The following NCBP2 variants were observed in gnomAD, a reference collection of about 807,000 sequenced individuals.
NCBP2 encodes the protein nuclear cap binding protein subunit 2, also known as nuclear cap-binding protein subunit 2.
Under a neutral mutation model 21.5 loss-of-function variants are expected in NCBP2, and 8 were observed. The observed-to-expected ratio is 0.37, with a 90% CI of 0.22 to 0.67. The LOEUF (loss-of-function observed/expected upper bound fraction) is 0.67. NCBP2 is among the 30% of genes least tolerant of loss of function. The pLI, the probability that NCBP2 is intolerant of heterozygous loss-of-function variation, is 0.56. For missense variants in NCBP2, 127 were observed against 206.9 expected (o/e 0.61, Z 2.37); for synonymous variants, 92 against 75.8 (o/e 1.21, Z -1.11).
At position 196,935,914 on chromosome 3, in the gene NCBP2, A is replaced by T. The variant is rs537788550; in HGVS notation, c.*1097T>A. The stretch of plus-strand genomic sequence containing the variant: ...TGTGAAGGCTTGAGCCTCAGTAGGT[A>T]AAATTTGAGGAAAAAAATGAGAAAT... On this transcript the variant is annotated 3_prime_UTR_variant, in exon 4 of 4. Coordinates refer to ENST00000321256, the MANE Select transcript of NCBP2 (RefSeq NM_007362.5). The T allele has an allele frequency of 6.6e-6, 1 of 152,192 alleles. No homozygotes were observed. The highest frequency in any genetic ancestry group is 2.1e-4 in the South Asian group (1 of 4,826). 9.4% of individuals were successfully genotyped at this position (152,192 alleles called of 1,614,324 possible).
At position 196,942,496 on chromosome 3, in the gene NCBP2, C is replaced by A. The variant is rs774052722; in HGVS notation, c.8G>T (p.Gly3Val). Residue 3 changes from glycine (G) to valine (V), a missense_variant, in exon 1 of 4, where the codon GGT becomes GTT. Transcript: ENST00000321256. MS[G>V]GLLKALRSDS... ...GCTGCGCAGCGCCTTCAGGAGGCCA[C>A]CCGACATAGTGCAGAGAAGCGGACC... 5.0e-6 allele frequency: 8 copies of A among 1,613,160 alleles called. No homozygotes were observed.
At position 196,939,202 on chromosome 3, in the gene NCBP2, T is replaced by C. The variant is rs560934950; in HGVS notation, c.260+49A>G. On this transcript the variant is annotated intron_variant, in intron 2 of 3. Coordinates refer to ENST00000321256, the MANE Select transcript of NCBP2 (RefSeq NM_007362.5). ...CAGGGACGCTTATGAGCTACCACTC[T>C]CAGCTCTACCCTGGTTCAGCAGCTA... 1.2e-5 allele frequency: 19 copies of C among 1,545,820 alleles called. No individual in the cohort carries two copies. The South Asian group carries it at 1.9e-4, about 16-fold the overall frequency.
intron 1 of NCBP2, chr3:196,941,651 T>A: frequency 1.9e-6 from 1 of 534,812 alleles, no homozygotes; most frequent in East Asian, 3.2e-5. Flanking sequence ...AAACGTTTAC[T>A]AAATAATTGG....
chr3:196,939,571 C>T, intron 1 of NCBP2, 139 bp from the exon 2 acceptor site: 1 of 712,922 alleles, frequency 1.4e-6, no homozygotes, highest in East Asian at 2.7e-5. Flanking sequence ...AATCCCTTGC[C>T]CAAAAAGGGG....
At chr3:196,942,241 A>C in intron 1 of NCBP2, 185 bp downstream of exon 1, 1 of 1,466,374 alleles carries the variant, frequency 6.8e-7, no homozygotes, top group Non-Finnish European at 9.0e-7. Context: ...TTCCAGAGCA[A>C]GTGGCTTCAG....
Position 196,942,408 on chromosome 3 carries a change from C to A in NCBP2, c.78+18G>T. On this transcript the variant is annotated intron_variant, in intron 1 of 3. Coordinates refer to ENST00000321256, the MANE Select transcript of NCBP2 (RefSeq NM_007362.5). ...TCTTGCCCAGGGCCTTCCCGTCTCG[C>A]GGCCCGGCCTCCCTCACCCGGAAGT... is the stretch of plus-strand genomic sequence containing the variant. 1 of 1,609,938 alleles carries A rather than the reference C, an allele frequency of 6.2e-7. No homozygotes were observed. The highest frequency in any genetic ancestry group is 1.1e-5 in the South Asian group (1 of 90,312).
Position 196,937,599 on chromosome 3 carries a change from T to C in NCBP2, c.310A>G (p.Thr104Ala), listed in dbSNP as rs2108878723. Residue 104 changes from threonine to alanine, a missense_variant, in exon 3 of 4, where the codon ACG (threonine) becomes GCG (alanine). Thr to Ala is a moderately conservative substitution (Grantham distance 58). Coordinates refer to ENST00000321256, the MANE Select transcript of NCBP2 (RefSeq NM_007362.5). ...CGAATGATTCGGTCATCCAGACGCG[T>C]CCCATTTATGTACCGCATGGCGTTT... ...AENAMRYING[T>A]RLDDRIIRTD... 6.2e-7 allele frequency: 1 copy of C among 1,614,192 alleles called. No individual in the cohort carries two copies. The highest frequency in any genetic ancestry group is 8.5e-7 in the Non-Finnish European group (1 of 1,180,038).
chr3:196,937,341 G>A (rs1204497788), intron 3 of NCBP2, 169 bp downstream of exon 3: 1 of 1,032,778 alleles, frequency 9.7e-7, no homozygotes, highest in African/African-American at 1.6e-5. Context: ...CCATTTCACG[G>A]TTTAAAAAAA....
chr3:196,937,217 C>T, intron 3 of NCBP2, 135 bp from the exon 4 acceptor site: 1 of 884,294 alleles, frequency 1.1e-6, no homozygotes, highest in East Asian at 2.5e-5. Context: ...GACATATGCA[C>T]TTCAGCTCAC....
chr3:196,937,904 G>C, intron 2 of NCBP2: 1 of 473,252 alleles, frequency 2.1e-6, no homozygotes, highest in Non-Finnish European at 3.8e-6. Context: ...CATCATCTCT[G>C]TATTTTGGTT....
In NCBP2 at chr3:196,936,981, AGT is replaced by A; in HGVS notation, c.*28_*29del. On this transcript the variant is annotated 3_prime_UTR_variant, in exon 4 of 4. Coordinates refer to ENST00000321256, the MANE Select transcript of NCBP2 (RefSeq NM_007362.5). The stretch of plus-strand genomic sequence containing the variant: ...TTCAGCAAATTCAACAGGCCAAAGG[AGT>A]GTTTGTCACTGACAGAGCTCTCACC... 6.2e-7 allele frequency: 1 copy of A among 1,606,208 alleles called. No homozygotes were observed. The highest frequency in any genetic ancestry group is 2.2e-5 in the East Asian group (1 of 44,838).
Position 196,935,544 on chromosome 3 carries a change from A to T in NCBP2, c.*1467T>A, listed in dbSNP as rs1367807173. Reference sequence around the variant, plus strand: ...TTAAATTACAGTGTGAAGGAATTTTAAAAATGAACAGTGTATCCTCATTAA... The same window carrying T: ...TTAAATTACAGTGTGAAGGAATTTTTAAAATGAACAGTGTATCCTCATTAA... On this transcript the variant is annotated 3_prime_UTR_variant, in exon 4 of 4. Coordinates refer to ENST00000321256, the MANE Select transcript of NCBP2 (RefSeq NM_007362.5). 6.6e-6 allele frequency: 1 copy of T among 152,258 alleles called. No homozygotes were observed. Among genetic ancestry groups the T allele is most frequent in the Non-Finnish European group, 1.5e-5 (1 of 68,042 alleles). 9.4% of individuals were successfully genotyped at this position (152,258 alleles called of 1,614,324 possible).
intron 2 of NCBP2, chr3:196,938,367 G>A (rs2108879488): frequency 1.3e-5 from 2 of 152,090 alleles, no homozygotes; most frequent in South Asian, 4.1e-4. Context: ...AGACACTTAA[G>A]GAAAAATTTC....
chr3:196,938,255 T>C (rs1255052782), intron 2 of NCBP2: 1 of 152,244 alleles, frequency 6.6e-6, no homozygotes, highest in Non-Finnish European at 1.5e-5. Flanking sequence ...GGGAAACCTG[T>C]GTATCCCCGA....
chr3:196,942,140 A>C, intron 1 of NCBP2: 1 of 1,461,918 alleles, frequency 6.8e-7, no homozygotes, highest in Non-Finnish European at 9.0e-7. Flanking sequence ...GGGAGCCGCC[A>C]CCACCACCAC....
chr3:196,938,698 C>T (rs1298774374), intron 2 of NCBP2: 2 of 152,452 alleles, frequency 1.3e-5, no homozygotes, highest in Admixed American at 6.5e-5. Flanking sequence ...AGTCACAACT[C>T]AGTGCAGCCT....
intron 1 of NCBP2, chr3:196,940,964 T>C (rs1716521212): frequency 6.6e-6 from 1 of 152,226 alleles, no homozygotes; most frequent in African/African-American, 2.4e-5. Context: ...TGGTCCCAGC[T>C]TCTCAGGAGG....
intron 1 of NCBP2, chr3:196,941,651 T>C (rs1716575744): frequency 1.9e-6 from 1 of 534,694 alleles, no homozygotes; most frequent in Admixed American, 3.6e-5. Flanking sequence ...AAACGTTTAC[T>C]AAATAATTGG....
At chr3:196,941,806 C>A in intron 1 of NCBP2, 1 of 1,175,182 alleles carries the variant, frequency 8.5e-7, no homozygotes, top group Non-Finnish European at 1.2e-6. Flanking sequence ...TTTCCCTCTT[C>A]TGAAATCCAG....
Sources: gnomAD v4.1 joint callset for allele counts on GRCh38, gnomAD v4.1.1 for gene constraint, MANE v1.5 for transcripts, NCBI Gene and HGNC (gene_info 2026-07-23, HGNC 2026-07-21) for gene names.